The following USP45 variants were observed in gnomAD, a reference collection of about 807,000 sequenced individuals.
USP45 encodes ubiquitin specific peptidase 45.
A neutral mutation model predicts 95.8 loss-of-function variants in USP45; 89 were observed. The observed-to-expected ratio is 0.93, with a 90% CI of 0.78 to 1.11. USP45 has a LOEUF of 1.11. Ranked by LOEUF, USP45 falls within the 50% of genes least tolerant of loss-of-function variation. The pLI, the probability that USP45 is intolerant of heterozygous loss-of-function variation, is 0.00. For missense variants in USP45, 898 were observed against 942.5 expected, an observed-to-expected ratio of 0.95 and a Z score of 0.62; for synonymous variants, 281 against 316.2, an observed-to-expected ratio of 0.89 and a Z score of 1.18.
At chr6:99,439,884 G>A in intron 15 of USP45, 29 bp from the exon 16 acceptor site, 1 of 1,538,340 alleles carries the variant, frequency 6.5e-7, no homozygotes, top group South Asian at 1.2e-5. Context: ...TTTTTGAAAT[G>A]CAACAATTAG....
intron 13 of USP45, chr6:99,461,489 G>GT: frequency 1.0e-6 from 1 of 985,260 alleles, no homozygotes; most frequent in African/African-American, 1.7e-5. Flanking sequence ...GCACACACTA[G>GT]TTTTACAGTG....
rs1789462069 is a variant in USP45 at position 99,471,800 on chromosome 6, T to C, written c.934-3182A>G. On this transcript the variant is annotated intron_variant, in intron 9 of 17. Coordinates refer to ENST00000500704, the MANE Select transcript of USP45 (RefSeq NM_001346022.3). ...AGCCTTCCTTCAATCAAGAAACACATGGCAGTGACACCCTACAACAACAGC... is the reference window on the plus strand; with the variant it reads ...AGCCTTCCTTCAATCAAGAAACACACGGCAGTGACACCCTACAACAACAGC... 2.0e-5 allele frequency among the ~76,000 whole-genome samples: 3 copies of C among 152,318 alleles called. No homozygotes were observed. The South Asian group carries it at 6.2e-4, about 32-fold the overall frequency.
chr6:99,469,570 T>C (rs913150479), intron 9 of USP45, among the ~76,000 whole-genome samples: 16 of 150,708 alleles, frequency 1.1e-4, no homozygotes, highest in Non-Finnish European at 2.2e-4. Context: ...CTTTGACTTC[T>C]CTGGGTTCAA....
In USP45 at chr6:99,509,435, CAACTATGCATACCTA is replaced by C. The variant is rs1452401389; in HGVS notation, c.101-668_101-654del. Reference sequence around the variant, plus strand: ...GAGTGTGTTTGTGTATAGCTGTATGCAACTATGCATACCTAAAATGGAAAAAATATATTAAAAATA... The same window carrying C: ...GAGTGTGTTTGTGTATAGCTGTATGCAAATGGAAAAAATATATTAAAAATA... On this transcript the variant is annotated intron_variant, in intron 2 of 17. Coordinates refer to ENST00000500704, the MANE Select transcript of USP45 (RefSeq NM_001346022.3). Among the ~76,000 whole-genome samples the C allele has an allele frequency of 2.6e-5, 4 of 152,056 alleles. No individual in the cohort carries two copies. In the East Asian group the frequency reaches 7.7e-4, roughly 29 times the overall value.
intron 17 of USP45, 152 bp downstream of exon 17, chr6:99,437,094 C>CGCAA: frequency 6.6e-6 from 5 of 762,106 alleles, no homozygotes; most frequent in Non-Finnish European, 1.0e-5. Flanking sequence ...GAGACTCTGT[C>CGCAA]TCAATCAATC....
At position 99,435,646 on chromosome 6, in the gene USP45, A is replaced by T; in HGVS notation, c.*70T>A. The T allele has an allele frequency of 7.3e-7, 1 of 1,372,308 alleles. No homozygotes were observed. The highest frequency in any genetic ancestry group is 9.9e-7 in the Non-Finnish European group (1 of 1,011,554). The allele number at this position is 1,372,308 out of a possible 1,614,324, so 85.0% of individuals were successfully genotyped here. ...ACAGAAGAGGGAAGACTAGAAAGGC[A>T]CATTATATATTATAGTTATCACTGT... is the stretch of plus-strand genomic sequence containing the variant. On this transcript the variant is annotated 3_prime_UTR_variant, in exon 18 of 18. Transcript: ENST00000500704.
intron 14 of USP45, among the ~76,000 whole-genome samples, chr6:99,443,906 G>T (rs75153707): frequency 6.6e-6 from 1 of 152,060 alleles, no homozygotes; most frequent in African/African-American, 2.4e-5. Flanking sequence ...ACAAAATTTT[G>T]GAAGGTAGAA....
chr6:99,490,898 A>G (rs999176924), intron 5 of USP45, among the ~76,000 whole-genome samples: 5 of 152,152 alleles, frequency 3.3e-5, no homozygotes, highest in African/African-American at 1.2e-4. Context: ...AAGCAAACCT[A>G]TTTCATGGAA....
At chr6:99,447,429 A>T (rs1305118569) in intron 13 of USP45, among the ~76,000 whole-genome samples, 1 of 152,244 alleles carries the variant, frequency 6.6e-6, no homozygotes, top group Non-Finnish European at 1.5e-5. Context: ...AAAATCAGGA[A>T]AAATAACATT....
At chr6:99,463,001 AATT>A (rs1786892732) in intron 13 of USP45, among the ~76,000 whole-genome samples, 1 of 152,134 alleles carries the variant, frequency 6.6e-6, no homozygotes. Context: ...TTAATTAATT[AATT>A]AATAGAGTAA....
intron 7 of USP45, among the ~76,000 whole-genome samples, chr6:99,484,597 A>T (rs940688268): frequency 6.6e-6 from 1 of 152,080 alleles, no homozygotes; most frequent in Non-Finnish European, 1.5e-5. Context: ...CCAGAGTGGA[A>T]GGCCCGCTTG....
chr6:99,435,612 G>C lies in USP45; in HGVS notation c.*104C>G. 1 of 973,440 alleles carries C rather than the reference G, an allele frequency of 1.0e-6. No homozygotes were observed. Among genetic ancestry groups the C allele is most frequent in the Non-Finnish European group, 1.4e-6 (1 of 693,708 alleles). 60.3% of individuals were successfully genotyped at this position (973,440 alleles called of 1,614,324 possible). ...AAGTTCAGGACCATTTGAGGAACAT[G>C]CTATTCCTACAGAAGAGGGAAGACT... On this transcript the variant is annotated 3_prime_UTR_variant, in exon 18 of 18. Transcript: ENST00000500704.
intron 5 of USP45, among the ~76,000 whole-genome samples, chr6:99,494,315 C>T (rs920403205): frequency 2.6e-5 from 4 of 152,112 alleles, no homozygotes; most frequent in African/African-American, 7.2e-5. Flanking sequence ...AGCACACTTT[C>T]GGCACTTTAA....
chr6:99,466,218 C>A (rs1376261650), intron 11 of USP45, among the ~76,000 whole-genome samples: 1 of 152,106 alleles, frequency 6.6e-6, no homozygotes, highest in Non-Finnish European at 1.5e-5. Flanking sequence ...TGGGGTTTCA[C>A]CATGTTGGCC....
intron 13 of USP45, among the ~76,000 whole-genome samples, chr6:99,455,374 C>T (rs1435637305): frequency 6.6e-6 from 1 of 152,038 alleles, no homozygotes; most frequent in Non-Finnish European, 1.5e-5. Context: ...TCACTTGAAC[C>T]CAGGAGGAAG....
At chr6:99,511,885 A>ATATATATATATATG (rs1799964945) in intron 1 of USP45, among the ~76,000 whole-genome samples, 1 of 143,964 alleles carries the variant, frequency 6.9e-6, no homozygotes, top group Non-Finnish European at 1.5e-5. Context: ...ATATATATAT[A>ATATATATATATATG]TACACATAGT....
chr6:99,483,968 T>G (rs565174040), intron 7 of USP45, among the ~76,000 whole-genome samples: 1 of 148,116 alleles, frequency 6.8e-6, no homozygotes, highest in East Asian at 2.0e-4. Flanking sequence ...AAAAATCCAC[T>G]ATAATCACAG....
chr6:99,492,915 G>T (rs183635036), intron 5 of USP45, among the ~76,000 whole-genome samples: 3 of 152,290 alleles, frequency 2.0e-5, no homozygotes, highest in East Asian at 3.9e-4. Flanking sequence ...TGCCCTTTGT[G>T]TATCAGGCAC....
chr6:99,455,819 TAAAAAAAAA>T (rs35285232), intron 13 of USP45, among the ~76,000 whole-genome samples: 2 of 44,368 alleles, frequency 4.5e-5, no homozygotes, highest in African/African-American at 9.7e-5. Context: ...ATGTGAGAGC[TAAAAAAAAA>T]AAAAAAAAAA....
Sources: allele counts gnomAD v4.1 joint callset (sites outside exome capture counted in the v4.1 genomes callset), GRCh38; gene constraint gnomAD v4.1.1; transcripts MANE v1.5; gene names NCBI Gene and HGNC (gene_info 2026-07-23, HGNC 2026-07-21).